MEIS1: variants seen among roughly 807,000 people sequenced by gnomAD.
The protein encoded by MEIS1 is Meis homeobox 1, also known as homeobox protein Meis1.
A neutral mutation model predicts 50.8 loss-of-function variants in MEIS1; 5 were observed. The ratio of observed to expected loss-of-function variants is 0.10; its 90% CI spans 0.05 to 0.21. MEIS1 has a LOEUF of 0.21. MEIS1 is among the 10% of genes least tolerant of loss of function. The pLI, the probability that MEIS1 is intolerant of heterozygous loss-of-function variation, is 1.00. For missense variants in MEIS1, 318 were observed against 517.3 expected (o/e 0.61, Z 3.74); for synonymous variants, 176 against 179.3 (o/e 0.98, Z 0.15).
chr2:66,475,277 T>G (rs949633454), intron 7 of MEIS1, among the ~76,000 whole-genome samples: 1 of 146,618 alleles, frequency 6.8e-6, no homozygotes, highest in Non-Finnish European at 1.5e-5. Flanking sequence ...TAATATATTA[T>G]ATATAAAAAT....
At position 66,486,890 on chromosome 2, in the gene MEIS1, G is replaced by T. The variant is rs781144772; in HGVS notation, c.742+22670G>T. On this transcript the variant is annotated intron_variant, in intron 7 of 12. Transcript: ENST00000272369. ...TGAATGGGAGTTTGCTCATGATTTG[G>T]GTCTCTGTCTATTATTGGTGTATAT... is the stretch of plus-strand genomic sequence containing the variant. Among the ~76,000 whole-genome samples, 3 of 151,904 alleles carry T rather than the reference G, an allele frequency of 2.0e-5. No homozygotes were observed. In the South Asian group the frequency reaches 6.2e-4, roughly 32 times the overall value.
intron 9 of MEIS1, among the ~76,000 whole-genome samples, chr2:66,550,370 AG>A (rs147757648): frequency 1.6e-4 from 24 of 152,332 alleles, no homozygotes; most frequent in Non-Finnish European, 2.6e-4. Flanking sequence ...AAAAGTTGTA[AG>A]AGAGATTGTT....
At chr2:66,538,850 G>T (rs1021513083) in intron 8 of MEIS1, among the ~76,000 whole-genome samples, 1 of 152,084 alleles carries the variant, frequency 6.6e-6, no homozygotes, top group East Asian at 1.9e-4. Context: ...GAAATAGTAG[G>T]CATTTGATTC....
chr2:66,531,833 T>C (rs1674398747), intron 8 of MEIS1, among the ~76,000 whole-genome samples: 1 of 152,156 alleles, frequency 6.6e-6, no homozygotes, highest in African/African-American at 2.4e-5. Context: ...AGCTGCCATC[T>C]TGAGCCAAGA....
In MEIS1 at chr2:66,456,547, C is replaced by T. The variant is rs939953759; in HGVS notation, c.631-7562C>T. Among the ~76,000 whole-genome samples, 8 of 152,296 alleles carry T rather than the reference C, an allele frequency of 5.3e-5. No individual in the cohort carries two copies. In the East Asian group the frequency reaches 5.8e-4, roughly 11 times the overall value. ...GGATGCTGGATTTCCATTGTCTTAC[C>T]GCTAATTTACCATCTGCCCTGAGTC... On this transcript the variant is annotated intron_variant, in intron 6 of 12. Transcript: ENST00000272369.
At chr2:66,507,772 T>G (rs1403796100) in intron 7 of MEIS1, among the ~76,000 whole-genome samples, 1 of 152,204 alleles carries the variant, frequency 6.6e-6, no homozygotes, top group East Asian at 1.9e-4. Flanking sequence ...AAATGCCGCT[T>G]TATCCTGCCT....
intron 6 of MEIS1, among the ~76,000 whole-genome samples, chr2:66,449,989 A>G (rs1177471268): frequency 2.0e-5 from 3 of 152,188 alleles, no homozygotes; most frequent in Non-Finnish European, 2.9e-5. Context: ...ATGAGTATAT[A>G]CAATCAAATA....
chr2:66,565,778 A>G (rs1006051484), intron 9 of MEIS1, among the ~76,000 whole-genome samples: 6 of 152,216 alleles, frequency 3.9e-5, no homozygotes, highest in Non-Finnish European at 7.3e-5. Flanking sequence ...AATGAACAGT[A>G]CCATAGATAA....
At chr2:66,516,800 A>G (rs922773034) in intron 8 of MEIS1, among the ~76,000 whole-genome samples, 2 of 152,202 alleles carry the variant, frequency 1.3e-5, no homozygotes, top group Non-Finnish European at 2.9e-5. Context: ...TGAATGCTCT[A>G]GAAGAGACAG....
chr2:66,502,330 T>C (rs996976181), intron 7 of MEIS1, among the ~76,000 whole-genome samples: 1 of 152,208 alleles, frequency 6.6e-6, no homozygotes, highest in Non-Finnish European at 1.5e-5. Context: ...AAACTGACCA[T>C]GAACTCTTTT....
chr2:66,504,070 C>T (rs751139712), intron 7 of MEIS1, among the ~76,000 whole-genome samples: 1 of 151,796 alleles, frequency 6.6e-6, no homozygotes, highest in Non-Finnish European at 1.5e-5. Context: ...TTAAATGCTA[C>T]ATTTTACCCT....
chr2:66,482,905 G>T (rs1673051006), intron 7 of MEIS1, among the ~76,000 whole-genome samples: 1 of 152,074 alleles, frequency 6.6e-6, no homozygotes. Context: ...ACCCAATATT[G>T]GTCTCTACTC....
chr2:66,520,167 A>G (rs1217480696), intron 8 of MEIS1, among the ~76,000 whole-genome samples: 2 of 151,986 alleles, frequency 1.3e-5, no homozygotes, highest in Admixed American at 6.6e-5. Flanking sequence ...AAAAATTCTT[A>G]TCTATTATTT....
chr2:66,505,487 C>A (rs551598693), intron 7 of MEIS1, among the ~76,000 whole-genome samples: 43 of 152,050 alleles, frequency 2.8e-4, no homozygotes, highest in Non-Finnish European at 5.1e-4. Flanking sequence ...GAAAAAAAAT[C>A]AAGGAAAGCC....
intron 9 of MEIS1, among the ~76,000 whole-genome samples, chr2:66,556,562 A>T (rs1484471661): frequency 6.6e-6 from 1 of 151,570 alleles, no homozygotes; most frequent in Non-Finnish European, 1.5e-5. Context: ...TTATACACAC[A>T]TACACACGTG....
At chr2:66,535,359 G>A (rs1419085665) in intron 8 of MEIS1, among the ~76,000 whole-genome samples, 1 of 151,248 alleles carries the variant, frequency 6.6e-6, no homozygotes, top group Non-Finnish European at 1.5e-5. Flanking sequence ...AAATATAAGG[G>A]ATCACCCTTC....
chr2:66,493,168 T>C (rs926307312), intron 7 of MEIS1, among the ~76,000 whole-genome samples: 3 of 152,248 alleles, frequency 2.0e-5, no homozygotes, highest in African/African-American at 7.2e-5. Flanking sequence ...ACGGTAAAGT[T>C]TTTAAGGCAG....
intron 8 of MEIS1, among the ~76,000 whole-genome samples, chr2:66,544,250 T>A (rs887436042): frequency 2.0e-5 from 3 of 152,192 alleles, no homozygotes; most frequent in African/African-American, 7.2e-5. Context: ...CATGCTGGGT[T>A]TTTGTCAAGT....
chr2:66,512,365 G>C (rs1673851688), intron 8 of MEIS1, 71 bp downstream of exon 8: 2 of 1,470,502 alleles, frequency 1.4e-6, no homozygotes, highest in African/African-American at 2.9e-5. Context: ...AAAAAAATGA[G>C]AAAAAAGTGA....
Sources: allele counts gnomAD v4.1 joint callset (sites outside exome capture counted in the v4.1 genomes callset), GRCh38; gene constraint gnomAD v4.1.1; transcripts MANE v1.5; gene names NCBI Gene and HGNC (gene_info 2026-07-23, HGNC 2026-07-21).